The following LRMDA variants were observed in gnomAD, a reference collection of about 807,000 sequenced individuals.
LRMDA encodes leucine rich melanocyte differentiation associated.
LRMDA carries 18 observed loss-of-function variants against 29.8 expected under a neutral mutation model. The observed-to-expected ratio is 0.60, with a 90% CI of 0.42 to 0.90. The LOEUF (loss-of-function observed/expected upper bound fraction) is 0.90. Ranked by LOEUF, LRMDA falls within the 40% of genes least tolerant of loss-of-function variation. The pLI, the probability that LRMDA is intolerant of heterozygous loss-of-function variation, is 0.00. For missense variants in LRMDA, 273 were observed against 273.9 expected (o/e 1.00, Z 0.02); for synonymous variants, 125 against 109.4 (o/e 1.14, Z -0.89).
chr10:76,463,917 A>ATT (rs763472626), intron 6 of LRMDA, among the ~76,000 whole-genome samples: 7 of 112,882 alleles, frequency 6.2e-5, no homozygotes, highest in South Asian at 3.0e-4. Context: ...TGCAAAATAA[A>ATT]TTTTTTTTTT....
intron 6 of LRMDA, among the ~76,000 whole-genome samples, chr10:76,410,241 A>G (rs1841944507): frequency 6.6e-6 from 1 of 150,852 alleles, no homozygotes; most frequent in Non-Finnish European, 1.5e-5. Flanking sequence ...AGAACTTTAC[A>G]TGCAAATTTA....
At chr10:76,284,555 G>A (rs539460137) in intron 5 of LRMDA, among the ~76,000 whole-genome samples, 4 of 152,284 alleles carry the variant, frequency 2.6e-5, no homozygotes, top group African/African-American at 9.6e-5. Context: ...CAGCAGCACT[G>A]GGAAACTGAT....
intron 5 of LRMDA, among the ~76,000 whole-genome samples, chr10:76,110,775 GAACTGTAAGTCGAATTA>G (rs565051809): frequency 1.2e-4 from 18 of 152,276 alleles, no homozygotes; most frequent in African/African-American, 3.6e-4. Context: ...CAGCCATGTG[GAACTGTAAGTCGAATTA>G]AATCTCTTTT....
At chr10:76,096,070 CT>C (rs1849307558) in intron 5 of LRMDA, among the ~76,000 whole-genome samples, 1 of 151,782 alleles carries the variant, frequency 6.6e-6, no homozygotes, top group Non-Finnish European at 1.5e-5. Flanking sequence ...CTGTATCTTC[CT>C]TTTTCATTTT....
intron 2 of LRMDA, among the ~76,000 whole-genome samples, chr10:75,598,559 G>A (rs1306978318): frequency 1.3e-5 from 2 of 152,000 alleles, no homozygotes; most frequent in South Asian, 2.1e-4. Flanking sequence ...AAAGCATCAG[G>A]AAAATGCTCT....
At chr10:76,098,921 T>C (rs1849355007) in intron 5 of LRMDA, among the ~76,000 whole-genome samples, 1 of 152,158 alleles carries the variant, frequency 6.6e-6, no homozygotes, top group Non-Finnish European at 1.5e-5. Context: ...CCTCTTGCAT[T>C]GAGTCAGTTC....
intron 5 of LRMDA, among the ~76,000 whole-genome samples, chr10:76,274,190 T>C (rs1220382770): frequency 6.6e-6 from 1 of 152,188 alleles, no homozygotes; most frequent in Non-Finnish European, 1.5e-5. Context: ...TAAGATCTTA[T>C]GAAGATCTTA....
chr10:76,251,700 G>A (rs1852488072), intron 5 of LRMDA, among the ~76,000 whole-genome samples: 1 of 152,188 alleles, frequency 6.6e-6, no homozygotes, highest in Non-Finnish European at 1.5e-5. Context: ...CAAGGGAAAT[G>A]GGTCACCCAT....
intron 2 of LRMDA, among the ~76,000 whole-genome samples, chr10:75,711,792 A>G (rs1000391611): frequency 6.6e-6 from 1 of 152,120 alleles, no homozygotes; most frequent in African/African-American, 2.4e-5. Flanking sequence ...TTTTGTTGCT[A>G]GGTAACTATT....
At chr10:75,703,226 C>T (rs73282608) in intron 2 of LRMDA, among the ~76,000 whole-genome samples, 5,740 of 151,934 alleles carry the variant, frequency 0.038, 274 homozygotes, top group African/African-American at 0.11. Context: ...AAACTCTCAA[C>T]GAGTAATGGA....
intron 4 of LRMDA, among the ~76,000 whole-genome samples, chr10:76,055,699 G>A (rs1236612421): frequency 6.6e-6 from 1 of 152,260 alleles, no homozygotes; most frequent in Non-Finnish European, 1.5e-5. Flanking sequence ...GAAGCAGCAG[G>A]CTGGGCAGCT....
In LRMDA at chr10:76,557,722, C is replaced by T. The variant is rs1300347090; in HGVS notation, c.*434C>T. The T allele has an allele frequency of 5.8e-6, 1 of 172,970 alleles. No homozygotes were observed. The highest frequency in any genetic ancestry group is 2.4e-5 in the African/African-American group (1 of 41,996). The allele number at this position is 172,970 out of a possible 1,614,324, so 10.7% of individuals were successfully genotyped here. A position where few individuals can be genotyped will look rare whatever the true frequency, so the allele number is the denominator to read the frequency against. The stretch of plus-strand genomic sequence containing the variant: ...TGAATTGAAATCCCTCTGATACCAT[C>T]GTGCTGTGGGCTTATTTTTAGTGAA... On this transcript the variant is annotated 3_prime_UTR_variant, in exon 7 of 7. Coordinates refer to ENST00000611255, the MANE Select transcript of LRMDA (RefSeq NM_001305581.2).
At position 76,450,592 on chromosome 10, in the gene LRMDA, C is replaced by G. The variant is rs193274798; in HGVS notation, c.602-106617C>G. ...AACACTTCATCTGGATCTAAATTGT[C>G]CTCCACGTCTGTCATCTTCTCTTCT... On this transcript the variant is annotated intron_variant, in intron 6 of 6. Transcript: ENST00000611255. Among the ~76,000 whole-genome samples, 6 of 152,208 alleles carry G rather than the reference C, an allele frequency of 3.9e-5. No individual in the cohort carries two copies. The East Asian group carries it at 1.2e-3, about 29-fold the overall frequency.
At chr10:76,388,194 G>A (rs1222973231) in intron 6 of LRMDA, among the ~76,000 whole-genome samples, 1 of 152,154 alleles carries the variant, frequency 6.6e-6, no homozygotes, top group Non-Finnish European at 1.5e-5. Context: ...GGATGATAAT[G>A]ATGATGCCAT....
At chr10:76,315,621 AG>A (rs916349735) in intron 5 of LRMDA, among the ~76,000 whole-genome samples, 4 of 151,070 alleles carry the variant, frequency 2.6e-5, no homozygotes, top group African/African-American at 9.8e-5. Context: ...GCAGCAGCCC[AG>A]GGGGTGCTGA....
intron 5 of LRMDA, among the ~76,000 whole-genome samples, chr10:76,169,832 T>G (rs1479211010): frequency 2.6e-5 from 4 of 152,150 alleles, no homozygotes; most frequent in Non-Finnish European, 4.4e-5. Context: ...ACATTGGGTG[T>G]GATAGGAGAA....
chr10:76,277,037 A>G (rs927148765), intron 5 of LRMDA, among the ~76,000 whole-genome samples: 4 of 152,222 alleles, frequency 2.6e-5, no homozygotes, highest in Admixed American at 6.5e-5. Flanking sequence ...TGAGCTGGGA[A>G]CTTGTGTAGT....
At chr10:76,439,730 T>C (rs917100344) in intron 6 of LRMDA, among the ~76,000 whole-genome samples, 3 of 152,158 alleles carry the variant, frequency 2.0e-5, no homozygotes, top group Non-Finnish European at 4.4e-5. Context: ...TTCTGAGAGG[T>C]GCCAGCAGGG....
At chr10:76,137,894 C>T (rs1403650434) in intron 5 of LRMDA, among the ~76,000 whole-genome samples, 9 of 151,996 alleles carry the variant, frequency 5.9e-5, no homozygotes, top group African/African-American at 1.7e-4. Context: ...ATCAACATCC[C>T]AGGGGTTGGC....
Sources: allele counts gnomAD v4.1 joint callset (sites outside exome capture counted in the v4.1 genomes callset), GRCh38; gene constraint gnomAD v4.1.1; transcripts MANE v1.5; gene names NCBI Gene and HGNC (gene_info 2026-07-23, HGNC 2026-07-21).